FAM111B: variants seen among roughly 807,000 people sequenced by gnomAD.
FAM111B encodes the protein serine protease FAM111B.
FAM111B carries 1 observed loss-of-function variant against 2.8 expected under a neutral mutation model. The ratio of observed to expected loss-of-function variants is 0.36; its 90% CI spans 0.13 to 1.70. The LOEUF (loss-of-function observed/expected upper bound fraction) is 1.70. Ranked by LOEUF, FAM111B falls within the 40% of genes most tolerant of loss-of-function variation. The pLI is 0.35. For synonymous variants in FAM111B, 297 were observed against 295.6 expected (o/e 1.00, Z -0.05); for missense variants, 882 against 878.9 (o/e 1.00, Z -0.04).
intron 3 of FAM111B, among the ~76,000 whole-genome samples, chr11:59,110,283 T>G (rs1859738648): frequency 6.6e-6 from 1 of 152,172 alleles, no homozygotes; most frequent in African/African-American, 2.4e-5. Context: ...AGAAGAATGC[T>G]TAATTCAGAC....
chr11:59,113,804 A>G (rs1859798309), intron 3 of FAM111B, among the ~76,000 whole-genome samples: 1 of 152,228 alleles, frequency 6.6e-6, no homozygotes, highest in African/African-American at 2.4e-5. Context: ...GACACATCTT[A>G]TGGGAGTCTC....
chr11:59,107,318 G>A (rs1398794519), intron 1 of FAM111B, 22 bp downstream of exon 1: 1 of 152,424 alleles, frequency 6.6e-6, no homozygotes, highest in Admixed American at 6.5e-5. Context: ...TTCTTTTCCC[G>A]GGTCGGACCT....
Position 59,126,703 on chromosome 11 carries a change from A to C in FAM111B, c.*401A>C, listed in dbSNP as rs939592163. 1 of 161,594 alleles carries C rather than the reference A, an allele frequency of 6.2e-6. No individual in the cohort carries two copies. The highest frequency in any genetic ancestry group is 2.4e-5 in the African/African-American group (1 of 41,612). 10.0% of individuals were successfully genotyped at this position (161,594 alleles called of 1,614,324 possible). ...ATGCAAATCAAAAAAATGCCATCAC[A>C]CTAATCAGAATGGCTGTTATTAAAA... On this transcript the variant is annotated 3_prime_UTR_variant, in exon 4 of 4. Transcript: ENST00000343597.
intron 1 of FAM111B, 106 bp from the exon 2 acceptor site, chr11:59,108,562 G>T: frequency 6.4e-6 from 1 of 157,048 alleles, no homozygotes. Flanking sequence ...TGGATTATAG[G>T]ATACATTTCA....
At position 59,126,834 on chromosome 11, in the gene FAM111B, G is replaced by T; in HGVS notation, c.*532G>T. ...CAGCCATTGTGGAAAGCAGTTGGGTGATTTCTAAAAGAACTTAAAACAGCT... is the reference window on the plus strand; with the variant it reads ...CAGCCATTGTGGAAAGCAGTTGGGTTATTTCTAAAAGAACTTAAAACAGCT... On this transcript the variant is annotated 3_prime_UTR_variant, in exon 4 of 4. Transcript: ENST00000343597. 1.2e-5 allele frequency: 2 copies of T among 160,484 alleles called. No individual in the cohort carries two copies. 9.9% of individuals were successfully genotyped at this position (160,484 alleles called of 1,614,324 possible). A position where few individuals can be genotyped will look rare whatever the true frequency, so the allele number is the denominator to read the frequency against.
intron 3 of FAM111B, among the ~76,000 whole-genome samples, chr11:59,114,808 TTG>T (rs886118750): frequency 6.6e-6 from 1 of 151,772 alleles, no homozygotes; most frequent in Non-Finnish European, 1.5e-5. Context: ...TTGTGTGTGT[TTG>T]TGTGTGTGCA....
rs1167564480 is a variant in FAM111B at position 59,125,871 on chromosome 11, G to T, written c.1774G>T (p.Val592Leu). 1 of 1,613,764 alleles carries T rather than the reference G, an allele frequency of 6.2e-7. No individual in the cohort carries two copies. Among genetic ancestry groups the T allele is most frequent in the South Asian group, 1.1e-5 (1 of 91,074 alleles). ...GATCAAGAAAATAGATGGTTGTACT[G>T]TGATTCCTCTAAACGAACGATTGAA... ...GQIKKIDGCT[V>L]IPLNERLKKY... is the part of the protein sequence containing the mutation. Residue 592 changes from valine to leucine, a missense_variant, in exon 4 of 4, where the codon GTG becomes TTG. Coordinates refer to ENST00000343597, the MANE Select transcript of FAM111B (RefSeq NM_198947.4).
chr11:59,108,379 A>G (rs1372200350), intron 1 of FAM111B, among the ~76,000 whole-genome samples: 1 of 152,146 alleles, frequency 6.6e-6, no homozygotes, highest in African/African-American at 2.4e-5. Flanking sequence ...AACCCTCTTC[A>G]TATATCCAGA....
rs932815241 is a variant in FAM111B, at chr11:59,126,557, A to C, written c.*255A>C. 8 of 314,904 alleles carry C rather than the reference A, an allele frequency of 2.5e-5. No homozygotes were observed. Among genetic ancestry groups the C allele is most frequent in the African/African-American group, 1.7e-4 (8 of 46,786 alleles). The allele number at this position is 314,904 out of a possible 1,614,324, so 19.5% of individuals were successfully genotyped here. A position where few individuals can be genotyped will look rare whatever the true frequency, so the allele number is the denominator to read the frequency against. ...GAACTTAAACAGATTAACAAGCAAA[A>C]AAAACAAGCAACCCCATTAAAAAGT... On this transcript the variant is annotated 3_prime_UTR_variant, in exon 4 of 4. Coordinates refer to ENST00000343597, the MANE Select transcript of FAM111B (RefSeq NM_198947.4).
At chr11:59,114,244 G>A (rs1028217094) in intron 3 of FAM111B, among the ~76,000 whole-genome samples, 6 of 152,202 alleles carry the variant, frequency 3.9e-5, no homozygotes, top group Non-Finnish European at 7.3e-5. Flanking sequence ...ACCAAGGGGA[G>A]AGGAGCTGAG....
Position 59,108,720 on chromosome 11 carries a change from C to A in FAM111B, c.-87+8C>A, listed in dbSNP as rs1859706911. 2 of 152,384 alleles carry A rather than the reference C, an allele frequency of 1.3e-5. No individual in the cohort carries two copies. Among genetic ancestry groups the A allele is most frequent in the African/African-American group, 2.4e-5 (1 of 41,458 alleles). The allele number at this position is 152,384 out of a possible 1,614,324, so 9.4% of individuals were successfully genotyped here. ...TTTGGCCAGAAATTCAAGGTAATGA[C>A]TTTTAATGTTTCTGACTGCTAGTTC... On this transcript the variant is annotated splice_region_variant and intron_variant, in intron 2 of 3. Coordinates refer to ENST00000343597, the MANE Select transcript of FAM111B (RefSeq NM_198947.4).
chr11:59,108,800 A>G (rs1271374830), intron 2 of FAM111B, 88 bp downstream of exon 2: 1 of 152,072 alleles, frequency 6.6e-6, no homozygotes, highest in African/African-American at 2.4e-5. Flanking sequence ...TCTAGTCATT[A>G]TGGGTCATAT....
At chr11:59,121,270 T>C (rs897212043) in intron 3 of FAM111B, among the ~76,000 whole-genome samples, 9 of 151,846 alleles carry the variant, frequency 5.9e-5, no homozygotes, top group African/African-American at 2.2e-4. Context: ...GAATCAATAA[T>C]AAAAAGAAAA....
intron 3 of FAM111B, among the ~76,000 whole-genome samples, chr11:59,116,533 C>T (rs1859842943): frequency 6.6e-6 from 1 of 152,220 alleles, no homozygotes; most frequent in Non-Finnish European, 1.5e-5. Context: ...ATTTGAGCCC[C>T]TCTTCTGGAG....
At position 59,126,295 on chromosome 11, in the gene FAM111B, A is replaced by G; in HGVS notation, c.2198A>G (p.Glu733Gly). 1.3e-6 allele frequency: 2 copies of G among 1,520,352 alleles called. No homozygotes were observed. The highest frequency in any genetic ancestry group is 1.4e-5 in the South Asian group (1 of 73,104). The allele number at this position is 1,520,352 out of a possible 1,614,324, so 94.2% of individuals were successfully genotyped here. The change falls in exon 4 of 4, where the codon GAA (glutamate) becomes GGA (glycine). Residue 733 changes from glutamate (E) to glycine (G), a missense_variant. Glu to Gly is a moderately conservative substitution (Grantham distance 98, BLOSUM62 -2). Transcript: ENST00000343597. Reference sequence around the variant, plus strand: ...CAAGATCATCAGATTGAACCCATGGAATGTTAGAAAAGAGATGCTGTCTTC... The same window carrying G: ...CAAGATCATCAGATTGAACCCATGGGATGTTAGAAAAGAGATGCTGTCTTC... Reference protein sequence around the residue: ...SLQDHQIEPMEC With the variant: ...SLQDHQIEPMGC
At chr11:59,109,209 CA>C (rs1859715510) in intron 2 of FAM111B, among the ~76,000 whole-genome samples, 1 of 152,112 alleles carries the variant, frequency 6.6e-6, no homozygotes, top group Non-Finnish European at 1.5e-5. Flanking sequence ...ATGCATTGAC[CA>C]AGCTGAAATC....
At chr11:59,120,744 G>T (rs1859908192) in intron 3 of FAM111B, among the ~76,000 whole-genome samples, 1 of 152,146 alleles carries the variant, frequency 6.6e-6, no homozygotes, top group Non-Finnish European at 1.5e-5. Context: ...TTGGATTAGA[G>T]GCCCATCCTA....
In FAM111B at chr11:59,125,850, A is replaced by C; in HGVS notation, c.1753A>C (p.Lys585Gln). Residue 585 changes from lysine to glutamine, a missense_variant, in exon 4 of 4, where the codon AAG becomes CAG. By Grantham distance (53) the Lys-to-Gln change is moderately conservative. Coordinates refer to ENST00000343597, the MANE Select transcript of FAM111B (RefSeq NM_198947.4). ...AATTGGTCATCCTGAAGGCCAGATC[A>C]AGAAAATAGATGGTTGTACTGTGAT... is the stretch of plus-strand genomic sequence containing the variant. ...YLIGHPEGQI[K>Q]KIDGCTVIPL... 1 of 1,613,952 alleles carries C rather than the reference A, an allele frequency of 6.2e-7. No individual in the cohort carries two copies. Among genetic ancestry groups the C allele is most frequent in the Non-Finnish European group, 8.5e-7 (1 of 1,179,852 alleles).
intron 3 of FAM111B, among the ~76,000 whole-genome samples, chr11:59,123,388 T>C (rs1859953145): frequency 6.6e-6 from 1 of 152,204 alleles, no homozygotes; most frequent in Non-Finnish European, 1.5e-5. Context: ...GTTGGTCTCC[T>C]TGAGCAGCTG....
Sources: allele counts gnomAD v4.1 joint callset (sites outside exome capture counted in the v4.1 genomes callset), GRCh38; gene constraint gnomAD v4.1.1; transcripts MANE v1.5; gene names NCBI Gene and HGNC (gene_info 2026-07-23, HGNC 2026-07-21).